PPFIBP1: variants seen among roughly 807,000 people sequenced by gnomAD.
PPFIBP1 encodes PPFIB scaffold protein 1, also known as liprin-beta-1.
In PPFIBP1, 112 loss-of-function variants were observed where a neutral mutation model predicts 137.8. That is an observed-to-expected ratio of 0.81 (90% CI 0.70 to 0.95). PPFIBP1 has a LOEUF of 0.95. Ranked by LOEUF, PPFIBP1 falls within the 40% of genes least tolerant of loss-of-function variation. The probability of loss-of-function intolerance (pLI) is 0.00; values close to 1 mark genes in which losing one functional copy is unlikely to be tolerated. For missense variants in PPFIBP1, 1,083 were observed against 1,196.6 expected (o/e 0.91, Z 1.40); for synonymous variants, 378 against 417.3 (o/e 0.91, Z 1.15).
chr12:27,666,678 T>C (rs918514694), intron 12 of PPFIBP1, among the ~76,000 whole-genome samples: 8 of 152,200 alleles, frequency 5.3e-5, no homozygotes, highest in African/African-American at 1.9e-4. Flanking sequence ...AGATCAAAGA[T>C]CATCTGTCTT....
chr12:27,669,449 A>C (rs1339754370), intron 13 of PPFIBP1, among the ~76,000 whole-genome samples: 1 of 152,174 alleles, frequency 6.6e-6, no homozygotes, highest in Non-Finnish European at 1.5e-5. Flanking sequence ...AGTCTTTGCT[A>C]TGTGAATTGT....
chr12:27,675,709 C>T (rs937121054), intron 17 of PPFIBP1, among the ~76,000 whole-genome samples: 9 of 152,248 alleles, frequency 5.9e-5, no homozygotes, highest in Admixed American at 5.9e-4. Flanking sequence ...CATATAAGAC[C>T]AGAAACTATA....
At chr12:27,576,482 C>T (rs764517824) in intron 1 of PPFIBP1, among the ~76,000 whole-genome samples, 1 of 152,150 alleles carries the variant, frequency 6.6e-6, no homozygotes, top group Non-Finnish European at 1.5e-5. Flanking sequence ...TGACTCAGTC[C>T]TCATGGAAGT....
chr12:27,601,856 C>A (rs1224454177), intron 2 of PPFIBP1, among the ~76,000 whole-genome samples: 3 of 152,222 alleles, frequency 2.0e-5, no homozygotes, highest in Admixed American at 6.5e-5. Context: ...ATCACACAAC[C>A]TTGTTCTGTA....
At chr12:27,531,503 A>G (rs1470629353) in intron 1 of PPFIBP1, among the ~76,000 whole-genome samples, 1 of 150,212 alleles carries the variant, frequency 6.7e-6, no homozygotes, top group Admixed American at 6.7e-5. Flanking sequence ...GGGTTTCACC[A>G]TCGTGGCCAG....
intron 1 of PPFIBP1, among the ~76,000 whole-genome samples, chr12:27,531,779 T>C (rs1183344272): frequency 6.6e-6 from 1 of 152,126 alleles, no homozygotes; most frequent in East Asian, 1.9e-4. Context: ...CTTGACTCCA[T>C]CTACTTGGCA....
chr12:27,623,786 ATAT>A (rs1471180694), intron 2 of PPFIBP1, among the ~76,000 whole-genome samples: 3 of 152,148 alleles, frequency 2.0e-5, no homozygotes, highest in Non-Finnish European at 4.4e-5. Context: ...GAGGAAGGTG[ATAT>A]TATCAGCCAA....
chr12:27,669,931 G>A (rs1406112057), intron 13 of PPFIBP1, among the ~76,000 whole-genome samples: 1 of 152,144 alleles, frequency 6.6e-6, no homozygotes, highest in Non-Finnish European at 1.5e-5. Context: ...CTCAAGGGTT[G>A]GTGGACTTTC....
In PPFIBP1 at chr12:27,563,113, G is replaced by A. The variant is rs1002474610; in HGVS notation, c.-123-15039G>A. ...GGATAGTTTTTTGAATGATCTAGGTGGGCCGTATGTAAATAATTACATAAG... is the reference window on the plus strand; with the variant it reads ...GGATAGTTTTTTGAATGATCTAGGTAGGCCGTATGTAAATAATTACATAAG... On this transcript the variant is annotated intron_variant, in intron 1 of 29. Coordinates refer to ENST00000228425, the MANE Select transcript of PPFIBP1 (RefSeq NM_003622.4). Among the ~76,000 whole-genome samples, 8 of 150,874 alleles carry A rather than the reference G, an allele frequency of 5.3e-5. No individual in the cohort carries two copies. The South Asian group carries it at 1.5e-3, about 28-fold the overall frequency.
chr12:27,672,518 T>C, intron 15 of PPFIBP1, 35 bp downstream of exon 15: 1 of 1,487,146 alleles, frequency 6.7e-7, no homozygotes, highest in Middle Eastern at 1.7e-4. Flanking sequence ...AAAAATGTGA[T>C]TGAGGCTAGA....
intron 13 of PPFIBP1, 27 bp from the exon 14 acceptor site, chr12:27,671,404 G>C (rs2060192756): frequency 7.7e-7 from 1 of 1,293,852 alleles, no homozygotes; most frequent in African/African-American, 1.5e-5. Flanking sequence ...TTGATTGATT[G>C]ATTGATTTTT....
At chr12:27,604,965 C>T (rs2054373191) in intron 2 of PPFIBP1, among the ~76,000 whole-genome samples, 1 of 152,162 alleles carries the variant, frequency 6.6e-6, no homozygotes, top group Non-Finnish European at 1.5e-5. Context: ...ACCATCAGAT[C>T]TCATGAGACC....
intron 13 of PPFIBP1, among the ~76,000 whole-genome samples, chr12:27,670,788 A>ATAATAATAATAATAATAAT (rs57738136): frequency 8.1e-4 from 109 of 134,272 alleles, no homozygotes; most frequent in South Asian, 2.4e-3. Context: ...CAAAAAAAAA[A>ATAATAATAATAATAATAAT]AAAAAAAATA....
intron 3 of PPFIBP1, among the ~76,000 whole-genome samples, chr12:27,633,730 G>T (rs1247230388): frequency 6.6e-6 from 1 of 151,898 alleles, no homozygotes; most frequent in Non-Finnish European, 1.5e-5. Context: ...GGTGTAGGTG[G>T]TCTGTGGACC....
intron 1 of PPFIBP1, among the ~76,000 whole-genome samples, chr12:27,535,391 TTTG>T (rs570614529): frequency 3.6e-4 from 55 of 151,258 alleles, no homozygotes; most frequent in East Asian, 9.6e-4. Context: ...CAATGTTGTT[TTTG>T]TTGTTGTTGT....
At chr12:27,683,841 G>A (rs2061030826) in intron 24 of PPFIBP1, among the ~76,000 whole-genome samples, 1 of 152,040 alleles carries the variant, frequency 6.6e-6, no homozygotes, top group African/African-American at 2.4e-5. Flanking sequence ...AGGCTGGAGT[G>A]CAGTGGTGCG....
At chr12:27,633,627 A>G (rs1267756628) in intron 3 of PPFIBP1, among the ~76,000 whole-genome samples, 167 bp downstream of exon 3, 2 of 152,034 alleles carry the variant, frequency 1.3e-5, no homozygotes, top group Non-Finnish European at 2.9e-5. Flanking sequence ...TTCTGCCAGC[A>G]TTATTCTCAA....
chr12:27,687,812 G>A (rs2061290251), intron 25 of PPFIBP1, among the ~76,000 whole-genome samples: 1 of 152,060 alleles, frequency 6.6e-6, no homozygotes, highest in Non-Finnish European at 1.5e-5. Context: ...GCCAAGTATA[G>A]TGGCCAATGC....
At chr12:27,567,181 G>A (rs1459392019) in intron 1 of PPFIBP1, among the ~76,000 whole-genome samples, 1 of 152,118 alleles carries the variant, frequency 6.6e-6, no homozygotes, top group Non-Finnish European at 1.5e-5. Context: ...CAGACCATGG[G>A]GTGCTCTACA....
Sources: allele counts gnomAD v4.1 joint callset (sites outside exome capture counted in the v4.1 genomes callset), GRCh38; gene constraint gnomAD v4.1.1; transcripts MANE v1.5; gene names NCBI Gene and HGNC (gene_info 2026-07-23, HGNC 2026-07-21).